MAML3: variants seen among roughly 807,000 people sequenced by gnomAD.
MAML3 encodes mastermind like transcriptional coactivator 3.
A neutral mutation model predicts 101.9 loss-of-function variants in MAML3; 27 were observed. The ratio of observed to expected loss-of-function variants is 0.27; its 90% CI spans 0.20 to 0.37. The LOEUF is 0.37. Among genes scored for constraint, MAML3 ranks in the 10% least tolerant of loss-of-function variants. MAML3 has a pLI of 1.00. For synonymous variants in MAML3, 501 were observed against 555.9 expected (o/e 0.90, Z 1.39); for missense variants, 1,316 against 1,444.9 (o/e 0.91, Z 1.45).
chr4:140,069,643 A>AAGG (rs1359763450), intron 1 of MAML3, among the ~76,000 whole-genome samples: 2 of 147,918 alleles, frequency 1.4e-5, no homozygotes, highest in African/African-American at 2.5e-5. Context: ...GAAGAAGAAG[A>AAGG]AGGAGGAGGA....
intron 1 of MAML3, among the ~76,000 whole-genome samples, chr4:139,957,879 C>T (rs1017695419): frequency 6.6e-6 from 1 of 152,182 alleles, no homozygotes; most frequent in Non-Finnish European, 1.5e-5. Context: ...AATTATGACA[C>T]AGGAGCAAAA....
At chr4:139,865,404 C>G (rs1731876375) in intron 2 of MAML3, among the ~76,000 whole-genome samples, 1 of 151,798 alleles carries the variant, frequency 6.6e-6, no homozygotes, top group Non-Finnish European at 1.5e-5. Context: ...CTAGTCCCTG[C>G]TTTTAGCTCC....
At chr4:139,896,789 C>G (rs1315484066) in intron 1 of MAML3, among the ~76,000 whole-genome samples, 2 of 152,150 alleles carry the variant, frequency 1.3e-5, no homozygotes, top group Non-Finnish European at 2.9e-5. Flanking sequence ...AACTTTCACA[C>G]AGAATCATAT....
intron 2 of MAML3, among the ~76,000 whole-genome samples, chr4:139,852,559 C>A (rs1255968105): frequency 6.6e-6 from 1 of 151,754 alleles, no homozygotes; most frequent in East Asian, 1.9e-4. Flanking sequence ...ATTACAGGCA[C>A]CTGCCATCAT....
chr4:140,133,032 C>T (rs1023932982), intron 1 of MAML3: 3 of 413,702 alleles, frequency 7.3e-6, no homozygotes, highest in South Asian at 1.8e-5. Flanking sequence ...TATTTTGATA[C>T]CTGTATTTAT....
chr4:140,085,570 C>A (rs913923517), intron 1 of MAML3, among the ~76,000 whole-genome samples: 2 of 152,178 alleles, frequency 1.3e-5, no homozygotes, highest in Admixed American at 6.5e-5. Context: ...CCATTCTCTG[C>A]GCCCTTATGC....
intron 2 of MAML3, among the ~76,000 whole-genome samples, chr4:139,787,142 G>A (rs1015088411): frequency 3.9e-5 from 6 of 152,170 alleles, no homozygotes; most frequent in Non-Finnish European, 7.3e-5. Context: ...AACCTTCCTC[G>A]TTCTGCAGCA....
chr4:139,859,388 T>TC (rs1731726113), intron 2 of MAML3, among the ~76,000 whole-genome samples: 1 of 139,032 alleles, frequency 7.2e-6, no homozygotes, highest in Admixed American at 7.2e-5. Flanking sequence ...TTTTTTTTTT[T>TC]CAGAGATGGG....
chr4:139,914,500 A>G (rs1274459758), intron 1 of MAML3, among the ~76,000 whole-genome samples: 1 of 152,166 alleles, frequency 6.6e-6, no homozygotes, highest in Non-Finnish European at 1.5e-5. Flanking sequence ...TGGGGAGGAA[A>G]AAAAAAGAAA....
At chr4:140,076,158 C>T (rs1466966326) in intron 1 of MAML3, among the ~76,000 whole-genome samples, 1 of 152,014 alleles carries the variant, frequency 6.6e-6, no homozygotes, top group South Asian at 2.1e-4. Context: ...TGAGCCACCA[C>T]ACCTGGCCCA....
chr4:139,720,303 C>T lies in MAML3; in HGVS notation c.2437G>A (p.Ala813Thr). The change falls in exon 5 of 5, where the codon GCC (alanine) becomes ACC (threonine). Residue 813 changes from alanine (A) to threonine (T), a missense_variant. Physicochemically the swap from Ala to Thr is moderately conservative, Grantham distance 58. Coordinates refer to ENST00000509479, the MANE Select transcript of MAML3 (RefSeq NM_018717.5). ...QFQGSPQDIA[A>T]VRSQAALQSM... Reference sequence around the variant, plus strand: ...TGGAGGGCTGCTTGGCTTCTTACGGCTGCTATATCCTGGGGAGAACCTGCA... The same window carrying T: ...TGGAGGGCTGCTTGGCTTCTTACGGTTGCTATATCCTGGGGAGAACCTGCA... 1 of 1,546,764 alleles carries T rather than the reference C, an allele frequency of 6.5e-7. No individual in the cohort carries two copies. The highest frequency in any genetic ancestry group is 1.7e-4 in the Middle Eastern group (1 of 5,718).
At chr4:139,837,783 G>A (rs1731283952) in intron 2 of MAML3, among the ~76,000 whole-genome samples, 1 of 152,106 alleles carries the variant, frequency 6.6e-6, no homozygotes, top group African/African-American at 2.4e-5. Context: ...AGCTGGGCAT[G>A]GTGGCGCATG....
At chr4:139,947,159 T>C (rs1201530461) in intron 1 of MAML3, among the ~76,000 whole-genome samples, 1 of 152,122 alleles carries the variant, frequency 6.6e-6, no homozygotes, top group Admixed American at 6.6e-5. Flanking sequence ...GACATGAAAA[T>C]TGTACTGCTT....
intron 2 of MAML3, among the ~76,000 whole-genome samples, chr4:139,778,399 G>T (rs1301654214): frequency 1.3e-5 from 2 of 152,174 alleles, no homozygotes; most frequent in African/African-American, 2.4e-5. Flanking sequence ...CAGGGTCAGA[G>T]AATTTTAGGG....
At chr4:139,863,049 C>T (rs1349783137) in intron 2 of MAML3, among the ~76,000 whole-genome samples, 1 of 150,808 alleles carries the variant, frequency 6.6e-6, no homozygotes, top group Non-Finnish European at 1.5e-5. Flanking sequence ...ACTCAGGAGG[C>T]TGAGGCAGGA....
chr4:139,892,602 C>CA (rs58824343), intron 1 of MAML3, among the ~76,000 whole-genome samples: 1,419 of 140,070 alleles, frequency 0.01, 19 homozygotes, highest in East Asian at 0.033. Context: ...CCACATTTTC[C>CA]AAAAAAAAAA....
chr4:139,988,950 C>T (rs138340307), intron 1 of MAML3, among the ~76,000 whole-genome samples: 459 of 152,304 alleles, frequency 3.0e-3, no homozygotes, highest in Non-Finnish European at 5.2e-3. Context: ...CCCTGCTCTA[C>T]CCCTGCTCAG....
Position 140,154,107 on chromosome 4 carries a change from TCGCCGC to T in MAML3, c.-786_-781del, listed in dbSNP as rs576186001. ...TGCCACCATCACAATGATCAACTGC[TCGCCGC>T]CGCCGCCGCCGCCGCCTCCTCCTCC... On this transcript the variant is annotated 5_prime_UTR_variant, in exon 1 of 5. Coordinates refer to ENST00000509479, the MANE Select transcript of MAML3 (RefSeq NM_018717.5). 2.9e-4 allele frequency: 51 copies of T among 178,060 alleles called. No individual in the cohort carries two copies. Among genetic ancestry groups the T allele is most frequent in the Admixed American group, 5.6e-4 (9 of 15,958 alleles). 11.0% of individuals were successfully genotyped at this position (178,060 alleles called of 1,614,324 possible). A position where few individuals can be genotyped will look rare whatever the true frequency, so the allele number is the denominator to read the frequency against.
intron 1 of MAML3, among the ~76,000 whole-genome samples, chr4:139,915,264 T>G (rs994330819): frequency 1.3e-5 from 2 of 152,198 alleles, no homozygotes; most frequent in Non-Finnish European, 2.9e-5. Context: ...CCTCTTGAAT[T>G]AACAGCTCAC....
Sources: gnomAD v4.1 joint callset for allele counts (sites outside exome capture counted in the v4.1 genomes callset) on GRCh38, gnomAD v4.1.1 for gene constraint, MANE v1.5 for transcripts, NCBI Gene and HGNC (gene_info 2026-07-23, HGNC 2026-07-21) for gene names.